The following LAMTOR5 variants were observed in gnomAD, a reference collection of about 807,000 sequenced individuals.
The protein encoded by LAMTOR5 is ragulator complex protein LAMTOR5.
In LAMTOR5, 8 loss-of-function variants were observed where a neutral mutation model predicts 12.1. That is an observed-to-expected ratio of 0.66 (90% CI 0.39 to 1.19). The LOEUF (loss-of-function observed/expected upper bound fraction) is 1.19, where lower values mean the gene tolerates loss of function less well. Ranked by LOEUF, LAMTOR5 falls within the 50% of genes most tolerant of loss-of-function variation. The probability of loss-of-function intolerance (pLI) is 0.01; values close to 1 mark genes in which losing one functional copy is unlikely to be tolerated. For synonymous variants in LAMTOR5, 37 were observed against 41.9 expected (o/e 0.88, Z 0.45); for missense variants, 110 against 112.8 (o/e 0.97, Z 0.11).
At chr1:110,404,841 A>G (rs562936159) in intron 2 of LAMTOR5, among the ~76,000 whole-genome samples, 2 of 152,088 alleles carry the variant, frequency 1.3e-5, no homozygotes, top group Non-Finnish European at 2.9e-5. Context: ...TGAGATAAGG[A>G]GTTCGAGACC....
intron 2 of LAMTOR5, among the ~76,000 whole-genome samples, chr1:110,404,925 G>A (rs1229338344): frequency 1.3e-5 from 2 of 151,552 alleles, no homozygotes; most frequent in South Asian, 2.1e-4. Context: ...GCAGGCGCCT[G>A]TAATCCCAGC....
chr1:110,407,701 A>T (rs1663366874), upstream of LAMTOR5: 1 of 1,614,154 alleles, frequency 6.2e-7, no homozygotes, highest in East Asian at 2.2e-5. Flanking sequence ...ACTTGACGCG[A>T]GCGGGGCGTG....
At chr1:110,406,178 G>A in intron 2 of LAMTOR5, 140 bp downstream of exon 2, 2 of 475,980 alleles carry the variant, frequency 4.2e-6, no homozygotes, top group Non-Finnish European at 7.4e-6. Context: ...CTGTTATTTG[G>A]AGATAATCTC....
rs1168170057 is a variant in LAMTOR5, at chr1:110,403,976, G to A, written c.158C>T (p.Ala53Val). The A allele has an allele frequency of 1.2e-6, 2 of 1,614,100 alleles. No individual in the cohort carries two copies. Among genetic ancestry groups the A allele is most frequent in the Non-Finnish European group, 1.7e-6 (2 of 1,180,048 alleles). The change falls in exon 3 of 4, where the codon GCT (alanine) becomes GTT (valine). Residue 53 changes from alanine to valine, a missense_variant. Ala to Val is a moderately conservative substitution (Grantham distance 64, BLOSUM62 0). Transcript: ENST00000602318. ...ATCAGTGGGGTCAGAGGTTAGCTTA[G>A]CTGCTTGCTGGGCTAGAACAGATAT... ...GVISVLAQQA[A>V]KLTSDPTDIP...
intron 2 of LAMTOR5, among the ~76,000 whole-genome samples, chr1:110,405,511 T>C (rs1036695595): frequency 1.3e-5 from 2 of 151,942 alleles, no homozygotes; most frequent in Non-Finnish European, 2.9e-5. Flanking sequence ...ATTGTAAAAA[T>C]AGAGATGGGG....
intron 1 of LAMTOR5, chr1:110,406,600 G>C (rs1253013539): frequency 2.9e-6 from 1 of 347,144 alleles, no homozygotes; most frequent in African/African-American, 2.1e-5. Context: ...CCAGGTGGGC[G>C]GATCACCTGA....
At position 110,406,317 on chromosome 1, in the gene LAMTOR5, C is replaced by A; in HGVS notation, c.97+1G>T. Reference sequence around the variant, plus strand: ...AAATAGTTGGTATGAGAGATACTTACAACCCAGATTAAGTCCTTGTGAATC... The same window carrying A: ...AAATAGTTGGTATGAGAGATACTTAAAACCCAGATTAAGTCCTTGTGAATC... On this transcript the variant is annotated splice_donor_variant, in intron 2 of 3. Coordinates refer to ENST00000602318, the MANE Select transcript of LAMTOR5 (RefSeq NM_001382293.1). LOFTEE classifies it high-confidence loss of function. 1 of 1,598,592 alleles carries A rather than the reference C, an allele frequency of 6.3e-7. No homozygotes were observed. The highest frequency in any genetic ancestry group is 8.5e-7 in the Non-Finnish European group (1 of 1,170,342).
rs754579531 is a variant in LAMTOR5 at position 110,404,039 on chromosome 1, G to T, written c.98-3C>A. The T allele has an allele frequency of 1.2e-6, 2 of 1,613,120 alleles. No individual in the cohort carries two copies. The highest frequency in any genetic ancestry group is 1.1e-5 in the South Asian group (1 of 90,822). On this transcript the variant is annotated splice_polypyrimidine_tract_variant and splice_region_variant and intron_variant, in intron 2 of 3. Transcript: ENST00000602318. ...CTCATCTGACAGGGTCCCGCGGCCTGGAAAATAGAGATGATATATGTCACC... is the reference window on the plus strand; with the variant it reads ...CTCATCTGACAGGGTCCCGCGGCCTTGAAAATAGAGATGATATATGTCACC...
rs745585389 is a variant in LAMTOR5, at chr1:110,401,562, G to A, written c.237C>T (p.His79=). 2.7e-5 allele frequency: 44 copies of A among 1,606,518 alleles called. No individual in the cohort carries two copies. Among genetic ancestry groups the A allele is most frequent in the Middle Eastern group, 1.7e-4 (1 of 6,060 alleles). The change falls in exon 4 of 4, where the codon CAC becomes CAT. Residue 79 remains histidine, a synonymous_variant. Coordinates refer to ENST00000602318, the MANE Select transcript of LAMTOR5 (RefSeq NM_001382293.1). ...TGTGCACTGCCACCGTGATGCCATCGTGTTTCTGGATCATAATGTTCCTGA... is the reference window on the plus strand; with the variant it reads ...TGTGCACTGCCACCGTGATGCCATCATGTTTCTGGATCATAATGTTCCTGA... ...SDNGNIMIQK[H]DGITVAVHKM...
intron 3 of LAMTOR5, among the ~76,000 whole-genome samples, chr1:110,402,586 T>C (rs1174868777): frequency 6.6e-6 from 1 of 152,120 alleles, no homozygotes; most frequent in African/African-American, 2.4e-5. Context: ...CTCCTACTTA[T>C]TAAGACAAGG....
At chr1:110,404,402 G>A (rs992055265) in intron 2 of LAMTOR5, among the ~76,000 whole-genome samples, 2 of 152,162 alleles carry the variant, frequency 1.3e-5, no homozygotes, top group African/African-American at 4.8e-5. Context: ...GTTTCTTGAA[G>A]GAACTCATTT....
chr1:110,407,580 A>C lies in LAMTOR5; in HGVS notation c.35+6T>G. On this transcript the variant is annotated splice_donor_region_variant and intron_variant, in intron 1 of 3. Coordinates refer to ENST00000602318, the MANE Select transcript of LAMTOR5 (RefSeq NM_001382293.1). ...AGGACAGGCCGAAGAGGCGCGCACTACTCACGTGTCTTCCAAGTGCTGCTC... is the reference window on the plus strand; with the variant it reads ...AGGACAGGCCGAAGAGGCGCGCACTCCTCACGTGTCTTCCAAGTGCTGCTC... 1 of 1,613,498 alleles carries C rather than the reference A, an allele frequency of 6.2e-7. No homozygotes were observed. Among genetic ancestry groups the C allele is most frequent in the Non-Finnish European group, 8.5e-7 (1 of 1,179,758 alleles).
At chr1:110,402,509 G>C (rs1301896742) in intron 3 of LAMTOR5, among the ~76,000 whole-genome samples, 1 of 152,178 alleles carries the variant, frequency 6.6e-6, no homozygotes, top group Non-Finnish European at 1.5e-5. Context: ...GCCTCCCAAA[G>C]TGCTGGGATT....
chr1:110,407,373 G>C, intron 1 of LAMTOR5: 1 of 645,534 alleles, frequency 1.5e-6, no homozygotes, highest in Non-Finnish European at 2.6e-6. Flanking sequence ...ACTCGCTCAA[G>C]AGGGAATGTG....
In LAMTOR5 at chr1:110,401,278, T is replaced by C; in HGVS notation, c.*245A>G. On this transcript the variant is annotated 3_prime_UTR_variant, in exon 4 of 4. Transcript: ENST00000602318. ...TTTTCCTCCAAACAGATTTATTGAA[T>C]ACAGCAAAATTCTATATACAAAGTG... 2.9e-6 allele frequency: 1 copy of C among 346,338 alleles called. No individual in the cohort carries two copies. The highest frequency in any genetic ancestry group is 1.2e-4 in the South Asian group (1 of 8,084). 21.5% of individuals were successfully genotyped at this position (346,338 alleles called of 1,614,324 possible).
intron 2 of LAMTOR5, among the ~76,000 whole-genome samples, chr1:110,405,047 CAAA>C (rs34710454): frequency 8.2e-5 from 5 of 61,338 alleles, no homozygotes; most frequent in Non-Finnish European, 7.0e-5. Flanking sequence ...GATTTCGTCT[CAAA>C]AAAAAAAAAA....
intron 3 of LAMTOR5, among the ~76,000 whole-genome samples, chr1:110,402,855 T>C (rs983321803): frequency 6.6e-5 from 10 of 152,230 alleles, no homozygotes; most frequent in Admixed American, 6.5e-5. Flanking sequence ...GCTGTACAAC[T>C]GTTTTAAGTG....
At chr1:110,407,805 G>A, upstream of LAMTOR5, 1 of 1,614,158 alleles carries the variant, frequency 6.2e-7, no homozygotes, top group Non-Finnish European at 8.5e-7. Context: ...GTCGCACAGA[G>A]CCTGACGAAG....
At chr1:110,407,115 AT>A in intron 1 of LAMTOR5, 1 of 653,956 alleles carries the variant, frequency 1.5e-6, no homozygotes, top group Non-Finnish European at 2.7e-6. Flanking sequence ...CCAGTTTTGA[AT>A]TTTACATAGA....
Sources: allele counts gnomAD v4.1 joint callset (sites outside exome capture counted in the v4.1 genomes callset), GRCh38; gene constraint gnomAD v4.1.1; transcripts MANE v1.5; gene names NCBI Gene and HGNC (gene_info 2026-07-23, HGNC 2026-07-21).